The following UIMC1 variants were observed in gnomAD, a reference collection of about 807,000 sequenced individuals.
The protein encoded by UIMC1 is BRCA1-A complex subunit RAP80.
UIMC1 carries 42 observed loss-of-function variants against 84.9 expected under a neutral mutation model. That is an observed-to-expected ratio of 0.49 (90% confidence interval 0.39 to 0.64). UIMC1 has a LOEUF of 0.64. Among genes scored for constraint, UIMC1 ranks in the 30% least tolerant of loss-of-function variants. The pLI, the probability that UIMC1 is intolerant of heterozygous loss-of-function variation, is 0.00. For synonymous variants in UIMC1, 281 were observed against 293.0 expected (o/e 0.96, Z 0.42); for missense variants, 825 against 847.6 (o/e 0.97, Z 0.33).
Position 176,910,656 on chromosome 5 carries a change from G to C in UIMC1, c.1676+655C>G, listed in dbSNP as rs113219187. Among the ~76,000 whole-genome samples, 201 of 152,224 alleles carry C rather than the reference G, an allele frequency of 1.3e-3. 1 individual carries two copies. Among genetic ancestry groups the C allele is most frequent in the Middle Eastern group, 6.8e-3 (2 of 294 alleles). ...TACAAAATGCTCAATGCTTCCCAAA[G>C]AGCACCAAATACCAATAAGCAAATT... On this transcript the variant is annotated intron_variant, in intron 11 of 14. Coordinates refer to ENST00000511320, the MANE Select transcript of UIMC1 (RefSeq NM_001199298.2).
At chr5:176,963,378 A>G (rs1208689009) in intron 6 of UIMC1, among the ~76,000 whole-genome samples, 3 of 151,910 alleles carry the variant, frequency 2.0e-5, no homozygotes, top group Non-Finnish European at 4.4e-5. Flanking sequence ...AAAATTAGCC[A>G]GGCATGGTGG....
At chr5:177,012,472 C>G (rs1008089658) in intron 1 of UIMC1, among the ~76,000 whole-genome samples, 5 of 152,106 alleles carry the variant, frequency 3.3e-5, no homozygotes, top group African/African-American at 1.2e-4. Context: ...CTGGGTGGAT[C>G]ACTTGAGGCC....
At chr5:176,917,937 C>G (rs1393729933) in intron 10 of UIMC1, among the ~76,000 whole-genome samples, 1 of 152,182 alleles carries the variant, frequency 6.6e-6, no homozygotes, top group Non-Finnish European at 1.5e-5. Context: ...CCAGTCTGGG[C>G]AACAACAGCA....
chr5:176,911,338 G>T lies in UIMC1; in HGVS notation c.1649C>A (p.Ala550Asp). ...EAKTKSDSGT[A>D]AQTSLDIDKN... ...GTCAATGTCTAGAGAAGTCTGGGCA[G>T]CTGTCCCACTGTCACTCTTGGTCTT... Residue 550 changes from alanine to aspartate, a missense_variant, in exon 11 of 15, where the codon GCT (alanine) becomes GAT (aspartate). By Grantham distance (126) the Ala-to-Asp change is moderately radical. Coordinates refer to ENST00000511320, the MANE Select transcript of UIMC1 (RefSeq NM_001199298.2). The T allele has an allele frequency of 6.3e-7, 1 of 1,599,652 alleles. No homozygotes were observed. Among genetic ancestry groups the T allele is most frequent in the African/African-American group, 1.3e-5 (1 of 74,540 alleles).
intron 10 of UIMC1, among the ~76,000 whole-genome samples, chr5:176,915,872 A>G (rs1283513727): frequency 1.3e-5 from 2 of 151,978 alleles, no homozygotes; most frequent in South Asian, 4.1e-4. Context: ...ATGTTCTTCT[A>G]CAAGAGCAGG....
chr5:176,974,133 A>G (rs968100167), intron 3 of UIMC1, among the ~76,000 whole-genome samples: 3 of 152,216 alleles, frequency 2.0e-5, no homozygotes, highest in African/African-American at 7.2e-5. Context: ...TAATCAAAAC[A>G]ATTTTTAAAA....
At chr5:176,969,468 A>C in intron 5 of UIMC1, 133 bp downstream of exon 5, 4 of 1,275,904 alleles carry the variant, frequency 3.1e-6, no homozygotes, top group Non-Finnish European at 4.3e-6. Flanking sequence ...TATGATCTCA[A>C]CTACTTCCTG....
chr5:176,971,737 T>C (rs1451284836), intron 3 of UIMC1, among the ~76,000 whole-genome samples: 2 of 151,824 alleles, frequency 1.3e-5, no homozygotes, highest in Non-Finnish European at 2.9e-5. Context: ...GGTGAAACCC[T>C]GTCTCTACTA....
chr5:176,919,666 C>T (rs144663782), intron 10 of UIMC1, among the ~76,000 whole-genome samples: 191 of 152,262 alleles, frequency 1.3e-3, no homozygotes, highest in African/African-American at 4.1e-3. Context: ...TATTTTCATA[C>T]GTAGTATAAA....
intron 1 of UIMC1, among the ~76,000 whole-genome samples, chr5:176,996,057 T>A (rs1298941220): frequency 1.3e-5 from 2 of 152,006 alleles, no homozygotes; most frequent in African/African-American, 2.4e-5. Context: ...TCCATCAACA[T>A]GTGAATAAAC....
intron 10 of UIMC1, among the ~76,000 whole-genome samples, chr5:176,930,123 A>G (rs530880422): frequency 1.3e-5 from 2 of 152,320 alleles, no homozygotes; most frequent in Admixed American, 1.3e-4. Context: ...TACCCAACTT[A>G]GGAACTAGAA....
intron 1 of UIMC1, chr5:177,006,222 C>T (rs942152799): frequency 1.3e-5 from 2 of 152,280 alleles, no homozygotes; most frequent in Non-Finnish European, 2.9e-5. Context: ...CAAAGCCCAA[C>T]CTGGCGTTCC....
intron 2 of UIMC1, among the ~76,000 whole-genome samples, chr5:176,979,793 GAAATACTATAATGGTTAATTTTA>G (rs947397640): frequency 7.2e-5 from 11 of 152,094 alleles, no homozygotes; most frequent in Non-Finnish European, 1.5e-4. Flanking sequence ...AGGTCTCCCG[GAAATACTATAATGGTTAATTTTA>G]GTATCAGTTT....
chr5:176,999,914 C>A (rs1412023820), intron 1 of UIMC1, among the ~76,000 whole-genome samples: 1 of 152,150 alleles, frequency 6.6e-6, no homozygotes, highest in Admixed American at 6.6e-5. Context: ...TGGATACATA[C>A]CCAGCAGTGG....
At chr5:176,966,874 A>C (rs578218166) in intron 6 of UIMC1, among the ~76,000 whole-genome samples, 1 of 152,376 alleles carries the variant, frequency 6.6e-6, no homozygotes, top group African/African-American at 2.4e-5. Context: ...AAAAGAAAAA[A>C]TGATCATAAG....
At chr5:176,953,495 T>TATACACACACAC (rs1554120134) in intron 8 of UIMC1, among the ~76,000 whole-genome samples, 1 of 136,886 alleles carries the variant, frequency 7.3e-6, no homozygotes, top group Admixed American at 7.3e-5. Context: ...ACTGGACACA[T>TATACACACACAC]ACACACACAC....
At chr5:176,982,658 A>C (rs1224870559) in intron 1 of UIMC1, 35 bp from the exon 2 acceptor site, 2 of 1,575,770 alleles carry the variant, frequency 1.3e-6, no homozygotes, top group Admixed American at 4.0e-5. Flanking sequence ...GTCTAGAATA[A>C]AAAGATCATA....
chr5:176,955,624 A>T (rs139654370), intron 8 of UIMC1, among the ~76,000 whole-genome samples: 1 of 152,358 alleles, frequency 6.6e-6, no homozygotes, highest in East Asian at 1.9e-4. Context: ...CAAATTAAAT[A>T]ACAAAAGGCT....
intron 11 of UIMC1, among the ~76,000 whole-genome samples, chr5:176,910,869 T>G (rs1245998163): frequency 6.6e-6 from 1 of 151,998 alleles, no homozygotes; most frequent in Non-Finnish European, 1.5e-5. Context: ...GGCAGGCCAA[T>G]CACCTGAGGT....
Sources: allele counts gnomAD v4.1 joint callset (sites outside exome capture counted in the v4.1 genomes callset), GRCh38; gene constraint gnomAD v4.1.1; transcripts MANE v1.5; gene names NCBI Gene and HGNC (gene_info 2026-07-23, HGNC 2026-07-21).